NR3C1: variants seen among roughly 807,000 people sequenced by gnomAD.
The protein encoded by NR3C1 is glucocorticoid receptor.
A neutral mutation model predicts 74.0 loss-of-function variants in NR3C1; 14 were observed. That is an observed-to-expected ratio of 0.19 (90% CI 0.12 to 0.30). The LOEUF is 0.30. Ranked by LOEUF, NR3C1 falls within the 10% of genes least tolerant of loss-of-function variation. The pLI, the probability that NR3C1 is intolerant of heterozygous loss-of-function variation, is 1.00. For missense variants in NR3C1, 695 were observed against 909.8 expected, an observed-to-expected ratio of 0.76 and a Z score of 3.04; for synonymous variants, 308 against 332.5, an observed-to-expected ratio of 0.93 and a Z score of 0.80.
At chr5:143,369,555 G>C (rs1833889871) in intron 2 of NR3C1, among the ~76,000 whole-genome samples, 1 of 152,152 alleles carries the variant, frequency 6.6e-6, no homozygotes, top group African/African-American at 2.4e-5. Flanking sequence ...CTACAATATG[G>C]ATGAACCTTG....
chr5:143,282,983 C>T (rs1345290329), intron 7 of NR3C1, among the ~76,000 whole-genome samples: 2 of 151,948 alleles, frequency 1.3e-5, no homozygotes, highest in African/African-American at 2.4e-5. Flanking sequence ...ACCTCCTTGG[C>T]TCAAGTGATC....
rs558435512 is a variant in NR3C1, at chr5:143,390,563, C to A, written c.1184+9093G>T. Among the ~76,000 whole-genome samples, 9 of 152,234 alleles carry A rather than the reference C, an allele frequency of 5.9e-5. No homozygotes were observed. The East Asian group carries it at 1.5e-3, about 26-fold the overall frequency. ...AATCAGGCTTAGAGGTGAATAGTCT[C>A]TATTACTTCATTACTATGCCAAGAA... On this transcript the variant is annotated intron_variant, in intron 2 of 8. Transcript: ENST00000394464.
At chr5:143,324,125 C>T (rs1824033875) in intron 2 of NR3C1, among the ~76,000 whole-genome samples, 1 of 152,202 alleles carries the variant, frequency 6.6e-6, no homozygotes, top group South Asian at 2.1e-4. Flanking sequence ...TGACGGCTCT[C>T]TTCCCACAGC....
At chr5:143,339,403 A>G (rs1827792380) in intron 2 of NR3C1, among the ~76,000 whole-genome samples, 1 of 151,806 alleles carries the variant, frequency 6.6e-6, no homozygotes, top group Non-Finnish European at 1.5e-5. Flanking sequence ...CCTATTTTAC[A>G]TTGCTGTCTT....
At chr5:143,363,458 A>T (rs763410501) in intron 2 of NR3C1, among the ~76,000 whole-genome samples, 2 of 152,192 alleles carry the variant, frequency 1.3e-5, no homozygotes, top group African/African-American at 4.8e-5. Context: ...CCCAGATACT[A>T]GACTTCATAG....
At chr5:143,435,203 C>G in exon 1 of NR3C1, 1 of 985,440 alleles carries the variant, frequency 1.0e-6, no homozygotes, top group Non-Finnish European at 1.2e-6. Flanking sequence ...TCTTCTCTTA[C>G]CCTCTTTCTG....
At chr5:143,316,773 A>G (rs752905547) in intron 2 of NR3C1, among the ~76,000 whole-genome samples, 5 of 152,184 alleles carry the variant, frequency 3.3e-5, no homozygotes, top group African/African-American at 7.2e-5. Context: ...GGCACTCAAT[A>G]CATGTTCCTT....
chr5:143,434,419 G>T, intron 1 of NR3C1: 1 of 423,162 alleles, frequency 2.4e-6, no homozygotes, highest in Non-Finnish European at 3.2e-6. Flanking sequence ...CACAACATCA[G>T]CCTTGTGATT....
chr5:143,296,175 T>C (rs1599740025), intron 6 of NR3C1, among the ~76,000 whole-genome samples: 1 of 152,320 alleles, frequency 6.6e-6, no homozygotes, highest in East Asian at 1.9e-4. Flanking sequence ...AGTCATTACA[T>C]ACCTATGATT....
At chr5:143,429,413 T>A (rs545457761) in intron 1 of NR3C1, among the ~76,000 whole-genome samples, 1 of 152,328 alleles carries the variant, frequency 6.6e-6, no homozygotes, top group African/African-American at 2.4e-5. Flanking sequence ...AGTATCTTCA[T>A]TTTCCATATT....
chr5:143,429,574 T>A (rs1311939503), intron 1 of NR3C1, among the ~76,000 whole-genome samples: 1 of 152,208 alleles, frequency 6.6e-6, no homozygotes, highest in African/African-American at 2.4e-5. Flanking sequence ...GCTATGGCAG[T>A]CATGCACCTA....
chr5:143,319,414 C>A (rs565515653), intron 2 of NR3C1, among the ~76,000 whole-genome samples: 1 of 152,058 alleles, frequency 6.6e-6, no homozygotes, highest in African/African-American at 2.4e-5. Context: ...AGAAAAAAAA[C>A]AAAGATATTA....
chr5:143,368,558 CACACACACA>C (rs1338092329), intron 2 of NR3C1, among the ~76,000 whole-genome samples: 4 of 151,724 alleles, frequency 2.6e-5, no homozygotes, highest in South Asian at 4.2e-4. Context: ...CACACACACA[CACACACACA>C]CCGACAACTC....
At chr5:143,317,244 C>G in intron 2 of NR3C1, among the ~76,000 whole-genome samples, 1 of 152,050 alleles carries the variant, frequency 6.6e-6, no homozygotes, top group Non-Finnish European at 1.5e-5. Flanking sequence ...GGTTAGAACT[C>G]AAGAGAAAAC....
intron 1 of NR3C1, among the ~76,000 whole-genome samples, chr5:143,417,638 C>T (rs1471891333): frequency 4.6e-5 from 7 of 152,118 alleles, no homozygotes; most frequent in South Asian, 2.1e-4. Context: ...CTTATTATTA[C>T]GCTTTCAGAA....
chr5:143,332,989 C>A, intron 2 of NR3C1: 4 of 1,586,564 alleles, frequency 2.5e-6, no homozygotes, highest in Non-Finnish European at 3.4e-6. Flanking sequence ...AAGAATAAGA[C>A]CATCCCTCTG....
intron 8 of NR3C1, 74 bp downstream of exon 8, chr5:143,282,494 A>ATAAT: frequency 6.4e-7 from 1 of 1,569,766 alleles, no homozygotes; most frequent in Non-Finnish European, 8.8e-7. Context: ...CTGCTGGTAT[A>ATAAT]TAATTATATT....
At position 143,400,117 on chromosome 5, in the gene NR3C1, C is replaced by CGAAT; in HGVS notation, c.722_723insATTC (p.Asn242PhefsTer3). 6.2e-7 allele frequency: 1 copy of CGAAT among 1,614,192 alleles called. No homozygotes were observed. The highest frequency in any genetic ancestry group is 8.5e-7 in the Non-Finnish European group (1 of 1,180,042). On this transcript the variant is annotated frameshift_variant, in exon 2 of 9. Coordinates refer to ENST00000394464, the MANE Select transcript of NR3C1 (RefSeq NM_000176.3). LOFTEE classifies it high-confidence loss of function. ...AAATGAGAGGCTTGCAGTCCTCATT[C>CGAAT]GAGTTTCCTTCCAAAAGGAATGAAT... is the stretch of plus-strand genomic sequence containing the variant.
intron 2 of NR3C1, among the ~76,000 whole-genome samples, chr5:143,315,381 G>A (rs1821859138): frequency 6.6e-6 from 1 of 152,032 alleles, no homozygotes; most frequent in South Asian, 2.1e-4. Flanking sequence ...ATTTTTGGTT[G>A]TGTTCTTAAG....
Sources: gnomAD v4.1 joint callset for allele counts (sites outside exome capture counted in the v4.1 genomes callset) on GRCh38, gnomAD v4.1.1 for gene constraint, MANE v1.5 for transcripts, NCBI Gene and HGNC (gene_info 2026-07-23, HGNC 2026-07-21) for gene names.